The following DNAJC9 variants were observed in gnomAD, a reference collection of about 807,000 sequenced individuals.
DNAJC9 encodes DnaJ heat shock protein family (Hsp40) member C9.
In DNAJC9, 18 loss-of-function variants were observed where a neutral mutation model predicts 32.4. The ratio of observed to expected loss-of-function variants is 0.56; its 90% confidence interval spans 0.38 to 0.82. The LOEUF (loss-of-function observed/expected upper bound fraction) is 0.82. Among genes scored for constraint, DNAJC9 ranks in the 40% least tolerant of loss-of-function variants. The pLI is 0.00. For missense variants in DNAJC9, 310 were observed against 321.8 expected (o/e 0.96, Z 0.28); for synonymous variants, 113 against 122.1 (o/e 0.93, Z 0.49).
intron 2 of DNAJC9, 120 bp from the exon 3 acceptor site, chr10:73,246,296 A>G: frequency 1.8e-6 from 2 of 1,115,434 alleles, no homozygotes; most frequent in Non-Finnish European, 2.5e-6. Context: ...AGTTGAAATT[A>G]TTGAACCAGA....
At chr10:73,236,835 C>A (rs939376396), downstream of DNAJC9, among the ~76,000 whole-genome samples, 1 of 151,944 alleles carries the variant, frequency 6.6e-6, no homozygotes, top group African/African-American at 2.4e-5. Context: ...CTCACCTCAG[C>A]CTCCTGAGTA....
chr10:73,243,226 G>C lies in DNAJC9; in HGVS notation c.*174C>G. The C allele has an allele frequency of 1.5e-6, 1 of 663,732 alleles. No individual in the cohort carries two copies. Among genetic ancestry groups the C allele is most frequent in the Non-Finnish European group, 2.5e-6 (1 of 395,728 alleles). The allele number at this position is 663,732 out of a possible 1,614,324, so 41.1% of individuals were successfully genotyped here. ...TCACACAATGTCAAGTGCTTTCTAG[G>C]AAATACTAAGATCAGGTTGAGAGAT... On this transcript the variant is annotated 3_prime_UTR_variant, in exon 5 of 5. Coordinates refer to ENST00000372950, the MANE Select transcript of DNAJC9 (RefSeq NM_015190.5).
At chr10:73,236,467 G>C (rs1264101395), downstream of DNAJC9, among the ~76,000 whole-genome samples, 1 of 148,706 alleles carries the variant, frequency 6.7e-6, no homozygotes, top group Non-Finnish European at 1.5e-5. Flanking sequence ...AGGGTGGAGT[G>C]TAATGGCGCA....
chr10:73,240,901 T>C, downstream of DNAJC9: 1 of 1,165,638 alleles, frequency 8.6e-7, no homozygotes, highest in Non-Finnish European at 1.2e-6. Context: ...AGAGTGATTA[T>C]CAAACCTAGA....
downstream of DNAJC9, among the ~76,000 whole-genome samples, chr10:73,240,333 C>T (rs1285125799): frequency 3.9e-5 from 6 of 152,224 alleles, no homozygotes; most frequent in African/African-American, 1.2e-4. Context: ...CAGTTCCCCG[C>T]AGCATTGTCT....
In DNAJC9 at chr10:73,243,074, T is replaced by C; in HGVS notation, c.*326A>G. ...GACACGCACATCGCAGAAAGCAGCA[T>C]GAACAGAACCACATCCTAGATAAGA... On this transcript the variant is annotated 3_prime_UTR_variant, in exon 5 of 5. Transcript: ENST00000372950. 1 of 252,334 alleles carries C rather than the reference T, an allele frequency of 4.0e-6. No homozygotes were observed. Among genetic ancestry groups the C allele is most frequent in the East Asian group, 1.1e-4 (1 of 9,396 alleles). 15.6% of individuals were successfully genotyped at this position (252,334 alleles called of 1,614,324 possible). A position where few individuals can be genotyped will look rare whatever the true frequency, so the allele number is the denominator to read the frequency against.
chr10:73,239,265 T>C, downstream of DNAJC9: 1 of 1,456,852 alleles, frequency 6.9e-7, no homozygotes, highest in Non-Finnish European at 9.4e-7. Context: ...ATATTATCCT[T>C]TGTGAGAAGA....
chr10:73,239,878 T>A (rs1192994049), downstream of DNAJC9, among the ~76,000 whole-genome samples: 1 of 152,254 alleles, frequency 6.6e-6, no homozygotes, highest in African/African-American at 2.4e-5. Flanking sequence ...TCTTTTTATC[T>A]TTAAATTATA....
chr10:73,239,225 A>C, downstream of DNAJC9: 1 of 1,141,718 alleles, frequency 8.8e-7, no homozygotes, highest in South Asian at 1.4e-5. Context: ...ACCACTGTTG[A>C]TTTCAAGGTG....
intron 4 of DNAJC9, 118 bp downstream of exon 4, chr10:73,243,725 C>A: frequency 8.9e-7 from 1 of 1,126,180 alleles, no homozygotes; most frequent in Non-Finnish European, 1.3e-6. Flanking sequence ...TTTAAAAGGA[C>A]AAATAGAAGG....
At chr10:73,237,747 A>G (rs966032054), downstream of DNAJC9, among the ~76,000 whole-genome samples, 2 of 151,930 alleles carry the variant, frequency 1.3e-5, no homozygotes, top group African/African-American at 2.4e-5. Context: ...TTTAAGAGAC[A>G]AAGTATCTCG....
At position 73,247,149 on chromosome 10, in the gene DNAJC9, G is replaced by A; in HGVS notation, c.41C>T (p.Ala14Val). 2.5e-6 allele frequency: 4 copies of A among 1,596,988 alleles called. No homozygotes were observed. Among genetic ancestry groups the A allele is most frequent in the Non-Finnish European group, 3.4e-6 (4 of 1,172,760 alleles). Residue 14 changes from alanine to valine, a missense_variant, in exon 1 of 5, where the codon GCC becomes GTC. Transcript: ENST00000372950. ...LDLCEEVFGT[A>V]DLYRVLGVRR... Reference sequence around the variant, plus strand: ...CACGCCCAGCACCCGGTAAAGGTCGGCGGTGCCGAACACTTCCTCGCAAAG... The same window carrying A: ...CACGCCCAGCACCCGGTAAAGGTCGACGGTGCCGAACACTTCCTCGCAAAG...
At chr10:73,233,854 C>A (rs2043764028), downstream of DNAJC9, among the ~76,000 whole-genome samples, 1 of 152,136 alleles carries the variant, frequency 6.6e-6, no homozygotes, top group Non-Finnish European at 1.5e-5. Flanking sequence ...CTTTAAGGTT[C>A]TTCTGTACCA....
chr10:73,241,057 G>GA (rs58421991), downstream of DNAJC9: 6,565 of 1,130,152 alleles, frequency 5.8e-3, 307 homozygotes, highest in African/African-American at 0.087. Context: ...CAGGAAACAC[G>GA]AGATTTCATG....
chr10:73,246,788 T>A lies in DNAJC9; in HGVS notation c.221A>T (p.Gln74Leu), dbSNP rs761248850. The stretch of plus-strand genomic sequence containing the variant: ...TCCCTGCTCATCGTACACTGCTCTC[T>A]GTTCTCTGTCACTGAGAACGGAATA... ...KVYSVLSDRE[Q>L]RAVYDEQGTV... Residue 74 changes from glutamine (Q) to leucine (L), a missense_variant, in exon 2 of 5, where the codon CAG (glutamine) becomes CTG (leucine). Physicochemically the swap from Gln to Leu is moderately radical, Grantham distance 113. Coordinates refer to ENST00000372950, the MANE Select transcript of DNAJC9 (RefSeq NM_015190.5). 16 of 1,614,046 alleles carry A rather than the reference T, an allele frequency of 9.9e-6. No individual in the cohort carries two copies. The highest frequency in any genetic ancestry group is 1.4e-5 in the Non-Finnish European group (16 of 1,179,968).
chr10:73,243,357 G>A lies in DNAJC9; in HGVS notation c.*43C>T, dbSNP rs1279093170. On this transcript the variant is annotated 3_prime_UTR_variant, in exon 5 of 5. Coordinates refer to ENST00000372950, the MANE Select transcript of DNAJC9 (RefSeq NM_015190.5). Reference sequence around the variant, plus strand: ...ATCCTGCCTGCACCTTGCCTACGATGGCATCAATTTACACCTAAGGACCTT... The same window carrying A: ...ATCCTGCCTGCACCTTGCCTACGATAGCATCAATTTACACCTAAGGACCTT... The A allele has an allele frequency of 6.2e-7, 1 of 1,607,284 alleles. No individual in the cohort carries two copies. Among genetic ancestry groups the A allele is most frequent in the East Asian group, 2.2e-5 (1 of 44,842 alleles).
chr10:73,234,612 A>T, downstream of DNAJC9: 1 of 567,202 alleles, frequency 1.8e-6, no homozygotes, highest in Non-Finnish European at 3.1e-6. Context: ...CCCAGAGTAT[A>T]GAGCTTCAAA....
chr10:73,235,077 G>T, downstream of DNAJC9: 1 of 1,445,918 alleles, frequency 6.9e-7, no homozygotes, highest in South Asian at 1.3e-5. Context: ...TTTATGACGT[G>T]GAATTGGAGC....
downstream of DNAJC9, chr10:73,234,160 C>A (rs886885734): frequency 1.3e-5 from 2 of 152,200 alleles, no homozygotes; most frequent in Non-Finnish European, 2.9e-5. Flanking sequence ...GTTTTCAATG[C>A]GGCTTCCAAG....
Sources: gnomAD v4.1 joint callset for allele counts (sites outside exome capture counted in the v4.1 genomes callset) on GRCh38, gnomAD v4.1.1 for gene constraint, MANE v1.5 for transcripts, NCBI Gene and HGNC (gene_info 2026-07-23, HGNC 2026-07-21) for gene names.